REDIC1: variants seen among roughly 807,000 people sequenced by gnomAD.
The protein encoded by REDIC1 is HEI10 Interacting Protein 1.
At chr12:39,783,280 T>G in the REDIC1 span, among the ~76,000 whole-genome samples, 3 of 152,252 alleles carry the variant, frequency 2.0e-5, no homozygotes, top group African/African-American at 7.2e-5. Flanking sequence ...CTGATGGACA[T>G]TTGGGTTGGT....
At chr12:39,890,030 A>G in the REDIC1 span, among the ~76,000 whole-genome samples, 5 of 152,204 alleles carry the variant, frequency 3.3e-5, no homozygotes, top group African/African-American at 1.2e-4. Flanking sequence ...AAGTAGCAAG[A>G]AAATTACTAC....
At chr12:39,872,103 C>G in the REDIC1 span, 1 of 619,854 alleles carries the variant, frequency 1.6e-6, no homozygotes, top group Non-Finnish European at 2.5e-6. Flanking sequence ...GGAATTCATG[C>G]AAGCTGTTGA....
At chr12:39,722,159 C>T in the REDIC1 span, among the ~76,000 whole-genome samples, 3 of 152,044 alleles carry the variant, frequency 2.0e-5, no homozygotes, top group African/African-American at 4.8e-5. Context: ...TTTCATGTTA[C>T]ATTTTTATAC....
the REDIC1 span, chr12:39,760,372 G>A: frequency 6.3e-6 from 5 of 794,568 alleles, no homozygotes; most frequent in Admixed American, 5.9e-5. Flanking sequence ...AGTATGAAAT[G>A]GACCAAAAAA....
chr12:39,667,895 C>T, the REDIC1 span, among the ~76,000 whole-genome samples: 2 of 152,000 alleles, frequency 1.3e-5, no homozygotes, highest in Non-Finnish European at 2.9e-5. Context: ...CAACCCCTGC[C>T]TTTTTTTGTT....
chr12:39,798,199 G>A, the REDIC1 span, among the ~76,000 whole-genome samples: 2 of 152,148 alleles, frequency 1.3e-5, no homozygotes, highest in Non-Finnish European at 2.9e-5. Context: ...CCAGGCACAC[G>A]AGGAAGCCAC....
At chr12:39,736,716 T>C in the REDIC1 span, 1 of 152,374 alleles carries the variant, frequency 6.6e-6, no homozygotes, top group South Asian at 2.1e-4. Context: ...TCAGGACACA[T>C]GCCGTGGGTA....
the REDIC1 span, among the ~76,000 whole-genome samples, chr12:39,896,229 CATATGTGTATATATGTATACATGTATGT>C: frequency 1.6e-5 from 2 of 126,434 alleles, no homozygotes; most frequent in Admixed American, 8.2e-5. Context: ...TACATATATG[CATATGTGTATATATGTATACATGTATGT>C]ATATGTGTGT....
At chr12:39,747,220 G>C in the REDIC1 span, among the ~76,000 whole-genome samples, 1 of 152,274 alleles carries the variant, frequency 6.6e-6, no homozygotes, top group South Asian at 2.1e-4. Context: ...CCAGTGTAGA[G>C]AAGTCCTTAA....
At chr12:39,747,505 G>A in the REDIC1 span, among the ~76,000 whole-genome samples, 1 of 152,212 alleles carries the variant, frequency 6.6e-6, no homozygotes, top group Non-Finnish European at 1.5e-5. Context: ...ACACTCTGCA[G>A]GATATTATCC....
At chr12:39,632,041 G>A in the REDIC1 span, among the ~76,000 whole-genome samples, 1 of 105,166 alleles carries the variant, frequency 9.5e-6, no homozygotes, top group South Asian at 3.2e-4. Context: ...ACATATATAT[G>A]TGTAAATTTG....
chr12:39,788,117 C>T, the REDIC1 span, among the ~76,000 whole-genome samples: 1 of 152,046 alleles, frequency 6.6e-6, no homozygotes, highest in African/African-American at 2.4e-5. Flanking sequence ...AACTTATGTA[C>T]TGTTGTTCAC....
At chr12:39,689,313 A>G in the REDIC1 span, among the ~76,000 whole-genome samples, 4 of 152,182 alleles carry the variant, frequency 2.6e-5, no homozygotes, top group African/African-American at 9.7e-5. Context: ...CACAAGAGAG[A>G]AATGATTGTG....
the REDIC1 span, among the ~76,000 whole-genome samples, chr12:39,813,428 T>C: frequency 4.6e-5 from 7 of 152,144 alleles, no homozygotes; most frequent in Non-Finnish European, 1.0e-4. Flanking sequence ...ATCTAAATTG[T>C]CACTTAATCC....
chr12:39,752,946 C>T, the REDIC1 span, among the ~76,000 whole-genome samples: 2 of 152,170 alleles, frequency 1.3e-5, no homozygotes, highest in Admixed American at 6.6e-5. Flanking sequence ...AAAATGGCTT[C>T]CTGAGCTGTA....
chr12:39,846,420 G>A, the REDIC1 span, among the ~76,000 whole-genome samples: 1 of 152,042 alleles, frequency 6.6e-6, no homozygotes, highest in Non-Finnish European at 1.5e-5. Context: ...TCTGCTGTCC[G>A]CTAAACCATA....
At chr12:39,735,593 C>T in the REDIC1 span, among the ~76,000 whole-genome samples, 2 of 152,120 alleles carry the variant, frequency 1.3e-5, no homozygotes, top group Non-Finnish European at 1.5e-5. Context: ...CTTCAGATGG[C>T]AAATGATGCT....
At chr12:39,679,355 C>A in the REDIC1 span, among the ~76,000 whole-genome samples, 4 of 152,176 alleles carry the variant, frequency 2.6e-5, no homozygotes, top group Non-Finnish European at 5.9e-5. Flanking sequence ...AACTGCTATA[C>A]ATCAACACTG....
At chr12:39,714,234 T>C in the REDIC1 span, among the ~76,000 whole-genome samples, 52 of 86,612 alleles carry the variant, frequency 6.0e-4, 7 homozygotes, top group East Asian at 3.0e-3. Context: ...CATGCATATA[T>C]GTATATATGT....
Sources: allele counts gnomAD v4.1 joint callset (sites outside exome capture counted in the v4.1 genomes callset), GRCh38; gene constraint gnomAD v4.1.1; transcripts MANE v1.5; gene names NCBI Gene and HGNC (gene_info 2026-07-23, HGNC 2026-07-21).